NIPAL3: variants seen among roughly 807,000 people sequenced by gnomAD.
NIPAL3 encodes NIPA like domain containing 3.
In NIPAL3, 41 loss-of-function variants were observed where a neutral mutation model predicts 47.2. The observed-to-expected ratio is 0.87, with a 90% CI of 0.68 to 1.13. The LOEUF is 1.13. Among genes scored for constraint, NIPAL3 ranks in the 50% most tolerant of loss-of-function variants. The pLI is 0.00. For synonymous variants in NIPAL3, 194 were observed against 209.6 expected (o/e 0.93, Z 0.64); for missense variants, 449 against 530.1 (o/e 0.85, Z 1.50).
chr1:24,468,273 C>G (rs1340445719), intron 11 of NIPAL3, among the ~76,000 whole-genome samples: 2 of 152,060 alleles, frequency 1.3e-5, no homozygotes, highest in Admixed American at 1.3e-4. Context: ...CAAGATCGCT[C>G]CACTGCACTC....
chr1:24,469,350 T>C lies in NIPAL3; in HGVS notation c.*165T>C. 1.6e-6 allele frequency: 1 copy of C among 617,476 alleles called. No individual in the cohort carries two copies. The highest frequency in any genetic ancestry group is 2.8e-6 in the Non-Finnish European group (1 of 361,134). The allele number at this position is 617,476 out of a possible 1,614,324, so 38.2% of individuals were successfully genotyped here. On this transcript the variant is annotated 3_prime_UTR_variant, in exon 12 of 12. Coordinates refer to ENST00000374399, the MANE Select transcript of NIPAL3 (RefSeq NM_020448.5). Reference sequence around the variant, plus strand: ...TGGGAAAGGATGCGTTATCTTGGTCTTGGAAATTTCAAATGATGAGGGTTG... The same window carrying C: ...TGGGAAAGGATGCGTTATCTTGGTCCTGGAAATTTCAAATGATGAGGGTTG...
At chr1:24,457,059 G>T (rs1646248376) in intron 8 of NIPAL3, among the ~76,000 whole-genome samples, 1 of 152,144 alleles carries the variant, frequency 6.6e-6, no homozygotes, top group Non-Finnish European at 1.5e-5. Flanking sequence ...ACAACACCTG[G>T]CCAGAATGTG....
chr1:24,433,748 C>A (rs1433603763), intron 2 of NIPAL3, among the ~76,000 whole-genome samples: 1 of 152,090 alleles, frequency 6.6e-6, no homozygotes, highest in Non-Finnish European at 1.5e-5. Context: ...TCTGTCTACC[C>A]ATATTGGATG....
intron 2 of NIPAL3, among the ~76,000 whole-genome samples, chr1:24,432,893 C>T (rs1301416242): frequency 6.6e-6 from 1 of 152,214 alleles, no homozygotes; most frequent in South Asian, 2.1e-4. Context: ...CTAGTAAACC[C>T]GATCACCTCC....
intron 8 of NIPAL3, among the ~76,000 whole-genome samples, chr1:24,457,172 G>C (rs1400673844): frequency 6.6e-6 from 1 of 152,184 alleles, no homozygotes; most frequent in Non-Finnish European, 1.5e-5. Context: ...GCACCTGCTT[G>C]TCTGCTGGGT....
In NIPAL3 at chr1:24,440,155, G is replaced by A; in HGVS notation, c.94-17G>A. On this transcript the variant is annotated splice_polypyrimidine_tract_variant and intron_variant, in intron 2 of 11. Transcript: ENST00000374399. ...TTGTGCCCAAATCATGTCCACTCCT[G>A]TGAACTTTCCTTACAGGAAAACCTG... 6.4e-7 allele frequency: 1 copy of A among 1,566,504 alleles called. No homozygotes were observed.
At chr1:24,419,743 CACTGGTA>C (rs1234569561) in intron 2 of NIPAL3, 103 bp downstream of exon 2, 2 of 995,362 alleles carry the variant, frequency 2.0e-6, no homozygotes, top group African/African-American at 3.2e-5. Context: ...GCATGCCTGT[CACTGGTA>C]GAAACAGGCA....
In NIPAL3 at chr1:24,456,079, G is replaced by A. The variant is rs566136394; in HGVS notation, c.638-59G>A. The A allele has an allele frequency of 5.3e-4, 853 of 1,603,342 alleles. 2 individuals are homozygous for A. Among genetic ancestry groups the A allele is most frequent in the South Asian group, 8.8e-4 (79 of 90,142 alleles). Reference sequence around the variant, plus strand: ...CTTTGGGGTTATAGACTGGCTTTCCGGACCTAACTCTCTGCATTTCCCTGA... The same window carrying A: ...CTTTGGGGTTATAGACTGGCTTTCCAGACCTAACTCTCTGCATTTCCCTGA... On this transcript the variant is annotated intron_variant, in intron 7 of 11. Coordinates refer to ENST00000374399, the MANE Select transcript of NIPAL3 (RefSeq NM_020448.5).
chr1:24,419,514 G>A lies in NIPAL3; in HGVS notation c.-34G>A, dbSNP rs754410818. The A allele has an allele frequency of 4.5e-5, 71 of 1,583,990 alleles. 1 individual carries two copies. Among genetic ancestry groups the A allele is most frequent in the Non-Finnish European group, 5.0e-5 (58 of 1,164,866 alleles). ...CGCCTAGCAGCAGCTCCACCTCCTA[G>A]GCCAGGCCCTGTGGGATGCGCCACT... On this transcript the variant is annotated 5_prime_UTR_variant, in exon 2 of 12. Coordinates refer to ENST00000374399, the MANE Select transcript of NIPAL3 (RefSeq NM_020448.5).
chr1:24,421,445 G>C (rs1644327604), intron 2 of NIPAL3, among the ~76,000 whole-genome samples: 1 of 152,226 alleles, frequency 6.6e-6, no homozygotes, highest in Non-Finnish European at 1.5e-5. Flanking sequence ...TCATTTGATG[G>C]ACTGGAACAG....
chr1:24,432,589 C>T (rs940121230), intron 2 of NIPAL3, among the ~76,000 whole-genome samples: 1 of 152,190 alleles, frequency 6.6e-6, no homozygotes. Flanking sequence ...CATAATAATT[C>T]TGAGCATGGG....
intron 5 of NIPAL3, 36 bp downstream of exon 5, chr1:24,445,280 A>G (rs1470202836): frequency 7.0e-7 from 1 of 1,423,308 alleles, no homozygotes; most frequent in Non-Finnish European, 9.9e-7. Flanking sequence ...CCTTGATTTT[A>G]TATGAACGCT....
chr1:24,453,189 C>A (rs2272933), intron 6 of NIPAL3, among the ~76,000 whole-genome samples: 9 of 151,946 alleles, frequency 5.9e-5, no homozygotes, highest in Admixed American at 5.2e-4. Flanking sequence ...CTCAGGACAA[C>A]AGGGAATTCC....
chr1:24,420,776 C>T (rs902617804), intron 2 of NIPAL3, among the ~76,000 whole-genome samples: 4 of 152,170 alleles, frequency 2.6e-5, no homozygotes, highest in Non-Finnish European at 1.5e-5. Flanking sequence ...ATTTGCTCAA[C>T]AGATCCTCAT....
rs545232082 is a variant in NIPAL3, at chr1:24,471,118, C to G, written c.*1933C>G. On this transcript the variant is annotated 3_prime_UTR_variant, in exon 12 of 12. Coordinates refer to ENST00000374399, the MANE Select transcript of NIPAL3 (RefSeq NM_020448.5). ...ATTCAGAAGTGGAGATGATTTTGGC[C>G]CCACTCATAGATGGGTGGCAAATCT... The G allele has an allele frequency of 2.6e-5, 4 of 152,254 alleles. No individual in the cohort carries two copies. The South Asian group carries it at 6.2e-4, about 24-fold the overall frequency. The allele number at this position is 152,254 out of a possible 1,614,324, so 9.4% of individuals were successfully genotyped here. A position where few individuals can be genotyped will look rare whatever the true frequency, so the allele number is the denominator to read the frequency against.
intron 11 of NIPAL3, among the ~76,000 whole-genome samples, chr1:24,468,667 A>G (rs1646799034): frequency 6.6e-6 from 1 of 152,142 alleles, no homozygotes; most frequent in East Asian, 1.9e-4. Flanking sequence ...ACCACGTTCA[A>G]AGCACAGTGC....
In NIPAL3 at chr1:24,468,314, C is replaced by CAATAAATA. The variant is rs71032817; in HGVS notation, c.1022-653_1022-646dup. Among the ~76,000 whole-genome samples, 326 of 151,846 alleles carry CAATAAATA rather than the reference C, an allele frequency of 2.1e-3. 1 individual carries two copies. The highest frequency in any genetic ancestry group is 3.8e-3 in the African/African-American group (158 of 41,306). On this transcript the variant is annotated intron_variant, in intron 11 of 11. Transcript: ENST00000374399. ...TGGGCGACAGAGCAAGACCCTGTCT[C>CAATAAATA]AATAAATAAATAAATAAATAAATAA...
chr1:24,427,531 G>T (rs954479309), intron 2 of NIPAL3, among the ~76,000 whole-genome samples: 1 of 152,128 alleles, frequency 6.6e-6, no homozygotes, highest in Non-Finnish European at 1.5e-5. Flanking sequence ...AGCCATCTGT[G>T]TCCTTAGTGG....
At chr1:24,447,533 A>G (rs1645725970) in intron 5 of NIPAL3, among the ~76,000 whole-genome samples, 2 of 152,178 alleles carry the variant, frequency 1.3e-5, no homozygotes, top group African/African-American at 2.4e-5. Flanking sequence ...CCAAGAGGCC[A>G]AAAAAGAAAA....
Sources: gnomAD v4.1 joint callset for allele counts (sites outside exome capture counted in the v4.1 genomes callset) on GRCh38, gnomAD v4.1.1 for gene constraint, MANE v1.5 for transcripts, NCBI Gene and HGNC (gene_info 2026-07-23, HGNC 2026-07-21) for gene names.